Variants in SLC25A46 observed in about 807,000 individuals in gnomAD.
The protein encoded by SLC25A46 is solute carrier family 25 member 46.
SLC25A46 carries 39 observed loss-of-function variants against 44.6 expected under a neutral mutation model. The ratio of observed to expected loss-of-function variants is 0.87; its 90% CI spans 0.68 to 1.14. The LOEUF (loss-of-function observed/expected upper bound fraction) is 1.14. SLC25A46 is among the 50% of genes most tolerant of loss of function. The pLI, the probability that SLC25A46 is intolerant of heterozygous loss-of-function variation, is 0.00. For synonymous variants in SLC25A46, 202 were observed against 185.8 expected (o/e 1.09, Z -0.71); for missense variants, 547 against 522.7 (o/e 1.05, Z -0.45).
intron 5 of SLC25A46, among the ~76,000 whole-genome samples, chr5:110,750,160 T>G (rs546274552): frequency 6.6e-6 from 1 of 151,372 alleles, no homozygotes; most frequent in South Asian, 2.1e-4. Context: ...GACCTCGTAG[T>G]CTTGAAGTGC....
chr5:110,758,331 A>G lies in SLC25A46; in HGVS notation c.678+1572A>G, dbSNP rs141873824. On this transcript the variant is annotated intron_variant, in intron 7 of 7. Coordinates refer to ENST00000355943, the MANE Select transcript of SLC25A46 (RefSeq NM_138773.4). ...GTTAAATCTTCAGACTCAACTTTTA[A>G]AAACAATCTCATCTGTCCCTCTAAA... Among the ~76,000 whole-genome samples, 1,019 of 152,226 alleles carry G rather than the reference A, an allele frequency of 6.7e-3. 19 individuals are homozygous for G. Among genetic ancestry groups the G allele is most frequent in the African/African-American group, 0.023 (942 of 41,528 alleles).
chr5:110,739,220 G>C lies in SLC25A46; in HGVS notation c.101G>C (p.Ser34Thr). The C allele has an allele frequency of 4.4e-6, 7 of 1,574,168 alleles. No individual in the cohort carries two copies. The highest frequency in any genetic ancestry group is 6.0e-6 in the Non-Finnish European group (7 of 1,160,286). The change falls in exon 1 of 8, where the codon AGC becomes ACC. Residue 34 changes from serine (S) to threonine (T), a missense_variant. Coordinates refer to ENST00000355943, the MANE Select transcript of SLC25A46 (RefSeq NM_138773.4). ...FGGAFPARSF[S>T]TGSDLGHWVT... ...GGCGCCTTCCCTGCAAGGTCCTTCA[G>C]CACCGGGTCGGACCTGGGCCACTGG...
intron 5 of SLC25A46, among the ~76,000 whole-genome samples, chr5:110,748,609 A>G (rs1039733058): frequency 2.0e-5 from 3 of 152,206 alleles, no homozygotes; most frequent in African/African-American, 4.8e-5. Flanking sequence ...TTGGCTTAGT[A>G]TCTATTGAGA....
intron 2 of SLC25A46, among the ~76,000 whole-genome samples, chr5:110,742,645 A>G (rs1799719725): frequency 6.6e-6 from 1 of 151,964 alleles, no homozygotes; most frequent in Non-Finnish European, 1.5e-5. Context: ...CATTCTTTTC[A>G]TGGGTCTATC....
In SLC25A46 at chr5:110,764,118, A is replaced by G. The variant is rs1329157742; in HGVS notation, c.*2336A>G. On this transcript the variant is annotated 3_prime_UTR_variant, in exon 8 of 8. Coordinates refer to ENST00000355943, the MANE Select transcript of SLC25A46 (RefSeq NM_138773.4). ...TTCAGTAGAACTAATAGCATTATGG[A>G]AAAGATTCTATTAAATGTTCCACAG... 1 of 151,866 alleles carries G rather than the reference A, an allele frequency of 6.6e-6. No homozygotes were observed. The highest frequency in any genetic ancestry group is 1.5e-5 in the Non-Finnish European group (1 of 67,880). 9.4% of individuals were successfully genotyped at this position (151,866 alleles called of 1,614,324 possible). A position where few individuals can be genotyped will look rare whatever the true frequency, so the allele number is the denominator to read the frequency against.
chr5:110,748,074 A>C, intron 4 of SLC25A46, 89 bp from the exon 5 acceptor site: 1 of 795,354 alleles, frequency 1.3e-6, no homozygotes, highest in Non-Finnish European at 2.1e-6. Flanking sequence ...TTTATTGGAA[A>C]ATGTCTACAC....
intron 1 of SLC25A46, among the ~76,000 whole-genome samples, chr5:110,741,424 T>C (rs1283366921): frequency 6.6e-6 from 1 of 152,154 alleles, no homozygotes; most frequent in Non-Finnish European, 1.5e-5. Flanking sequence ...ATTTACCCAT[T>C]TTGGTTATCC....
intron 6 of SLC25A46, 32 bp from the exon 7 acceptor site, chr5:110,756,670 G>A (rs762187673): frequency 6.8e-6 from 10 of 1,460,438 alleles, no homozygotes; most frequent in Non-Finnish European, 9.3e-6. Context: ...TCTTGTTTCA[G>A]TATACTGATA....
chr5:110,739,565 G>C (rs1000000399), intron 1 of SLC25A46, among the ~76,000 whole-genome samples, 163 bp downstream of exon 1: 1 of 152,178 alleles, frequency 6.6e-6, no homozygotes. Flanking sequence ...CCTGAGGCTG[G>C]CCTCCTCTTC....
At chr5:110,751,517 G>A (rs566922327) in intron 5 of SLC25A46, among the ~76,000 whole-genome samples, 28 of 152,308 alleles carry the variant, frequency 1.8e-4, no homozygotes, top group African/African-American at 6.5e-4. Context: ...GTACAGAGCA[G>A]GTGGGAGCCA....
chr5:110,752,092 G>T (rs988235413), intron 5 of SLC25A46, among the ~76,000 whole-genome samples: 2 of 152,010 alleles, frequency 1.3e-5, no homozygotes, highest in Non-Finnish European at 2.9e-5. Context: ...TCCTAGCCTG[G>T]GGTTTTTTAA....
intron 4 of SLC25A46, among the ~76,000 whole-genome samples, chr5:110,747,592 G>A (rs926213626): frequency 2.6e-5 from 4 of 152,006 alleles, no homozygotes; most frequent in African/African-American, 9.7e-5. Context: ...ATGCAAAGGG[G>A]CAAAACCAGA....
rs985875140 is a variant in SLC25A46 at position 110,763,262 on chromosome 5, A to G, written c.*1480A>G. The G allele has an allele frequency of 6.6e-6, 1 of 151,974 alleles. No homozygotes were observed. Among genetic ancestry groups the G allele is most frequent in the African/African-American group, 2.4e-5 (1 of 41,430 alleles). 9.4% of individuals were successfully genotyped at this position (151,974 alleles called of 1,614,324 possible). A position where few individuals can be genotyped will look rare whatever the true frequency, so the allele number is the denominator to read the frequency against. On this transcript the variant is annotated 3_prime_UTR_variant, in exon 8 of 8. Coordinates refer to ENST00000355943, the MANE Select transcript of SLC25A46 (RefSeq NM_138773.4). ...TGTCCAACCAAGAATGCATACGAAT[A>G]GAAATTCATTTTACTTGCTAAATGT...
chr5:110,742,233 G>GA (rs1014562227), intron 2 of SLC25A46, 144 bp downstream of exon 2: 35 of 531,108 alleles, frequency 6.6e-5, no homozygotes, highest in Admixed American at 3.1e-4. Flanking sequence ...ATATTTTGCA[G>GA]AAAAAAAATG....
intron 7 of SLC25A46, chr5:110,757,109 A>G (rs1251252772): frequency 1.2e-5 from 2 of 170,520 alleles, no homozygotes; most frequent in African/African-American, 4.7e-5. Flanking sequence ...TGGACAGTAA[A>G]TTAATAATTA....
At chr5:110,755,786 T>G (rs114747093) in intron 6 of SLC25A46, among the ~76,000 whole-genome samples, 2 of 152,124 alleles carry the variant, frequency 1.3e-5, no homozygotes, top group Non-Finnish European at 2.9e-5. Flanking sequence ...TTAGCATAGG[T>G]CTTCAATTTA....
rs774040808 is a variant in SLC25A46 at position 110,761,287 on chromosome 5, T to C, written c.762T>C (p.His254=). The change falls in exon 8 of 8, where the codon CAT becomes CAC. Residue 254 remains histidine, a synonymous_variant. Coordinates refer to ENST00000355943, the MANE Select transcript of SLC25A46 (RefSeq NM_138773.4). This position sits in a 1 kb window ranked among gnomAD's most constrained non-coding sequence, Gnocchi z 5.3. Reference sequence around the variant, plus strand: ...GAGTGATAGGCATGGGAGTGCCTCATAGCAAACGACTTCTTCCGCTTCTTT... The same window carrying C: ...GAGTGATAGGCATGGGAGTGCCTCACAGCAAACGACTTCTTCCGCTTCTTT... ...IGRVIGMGVP[H]SKRLLPLLSL... 1.4e-5 allele frequency: 23 copies of C among 1,613,614 alleles called. No homozygotes were observed. The African/African-American group carries it at 1.6e-4, about 11-fold the overall frequency.
At position 110,763,018 on chromosome 5, in the gene SLC25A46, ATTTC is replaced by A. The variant is rs763016639; in HGVS notation, c.*1237_*1240del. 3.9e-5 allele frequency: 6 copies of A among 151,964 alleles called. No homozygotes were observed. Among genetic ancestry groups the A allele is most frequent in the Non-Finnish European group, 5.9e-5 (4 of 67,912 alleles). The allele number at this position is 151,964 out of a possible 1,614,324, so 9.4% of individuals were successfully genotyped here. On this transcript the variant is annotated 3_prime_UTR_variant, in exon 8 of 8. Coordinates refer to ENST00000355943, the MANE Select transcript of SLC25A46 (RefSeq NM_138773.4). ...GTGAGGGGAAAAAGTACATTTGTAC[ATTTC>A]AACATATAATAAGCAAAAAAATTAC... is the stretch of plus-strand genomic sequence containing the variant.
chr5:110,742,013 C>A (rs1271542379), intron 1 of SLC25A46, 34 bp from the exon 2 acceptor site: 9 of 1,419,024 alleles, frequency 6.3e-6, no homozygotes, highest in Non-Finnish European at 6.8e-6. Flanking sequence ...TATCAGTAAT[C>A]TTATTTTTTT....
Sources: gnomAD v4.1 joint callset for allele counts (sites outside exome capture counted in the v4.1 genomes callset) on GRCh38, gnomAD v4.1.1 for gene constraint, Gnocchi (gnomAD v3.1) non-coding constraint, MANE v1.5 for transcripts, NCBI Gene and HGNC (gene_info 2026-07-23, HGNC 2026-07-21) for gene names.